CSPP1: variants seen among roughly 807,000 people sequenced by gnomAD.
CSPP1 encodes centrosome and spindle pole associated protein 1.
In CSPP1, 126 loss-of-function variants were observed where a neutral mutation model predicts 164.4. The observed-to-expected ratio is 0.77, with a 90% CI of 0.66 to 0.89. The LOEUF (loss-of-function observed/expected upper bound fraction) is 0.89. Ranked by LOEUF, CSPP1 falls within the 40% of genes least tolerant of loss-of-function variation. The pLI is 0.00. For synonymous variants in CSPP1, 472 were observed against 476.7 expected (o/e 0.99, Z 0.13); for missense variants, 1,395 against 1,449.8 (o/e 0.96, Z 0.61).
At chr8:67,071,606 A>T (rs139908079) in intron 1 of CSPP1, among the ~76,000 whole-genome samples, 91 of 152,264 alleles carry the variant, frequency 6.0e-4, no homozygotes, top group African/African-American at 2.0e-3. Flanking sequence ...CTCCAACTTA[A>T]CATATGTAAA....
intron 28 of CSPP1, among the ~76,000 whole-genome samples, chr8:67,181,532 A>G (rs940704257): frequency 6.6e-6 from 1 of 151,932 alleles, no homozygotes; most frequent in Non-Finnish European, 1.5e-5. Flanking sequence ...ATGACACTAG[A>G]GCAAAGATAC....
chr8:67,064,461 CTG>C lies in CSPP1; in HGVS notation c.-82_-81del, dbSNP rs2129538433. 1 of 1,613,986 alleles carries C rather than the reference CTG, an allele frequency of 6.2e-7. No homozygotes were observed. Among genetic ancestry groups the C allele is most frequent in the Non-Finnish European group, 8.5e-7 (1 of 1,179,906 alleles). The stretch of plus-strand genomic sequence containing the variant: ...CGGTCCGCGACGATCCTCTAGAGCA[CTG>C]TGTGTCTCCCCGGACGCGAGCCCGC... On this transcript the variant is annotated 5_prime_UTR_variant, in exon 1 of 31. It introduces an in-frame stop codon into an upstream open reading frame of the 5' UTR. Coordinates refer to ENST00000678616, the MANE Select transcript of CSPP1 (RefSeq NM_001382391.1).
At chr8:67,154,234 C>T (rs1207057086) in intron 19 of CSPP1, 98 bp downstream of exon 19, 7 of 638,384 alleles carry the variant, frequency 1.1e-5, no homozygotes, top group Non-Finnish European at 1.9e-5. Flanking sequence ...TCTAAAATGC[C>T]ATACTGTTAT....
intron 27 of CSPP1, among the ~76,000 whole-genome samples, chr8:67,178,665 G>T (rs1832265256): frequency 6.6e-6 from 1 of 152,182 alleles, no homozygotes; most frequent in Non-Finnish European, 1.5e-5. Context: ...TCAGGGAGGT[G>T]TCTATGGGAA....
Position 67,159,042 on chromosome 8 carries a change from G to T in CSPP1, c.2443G>T (p.Glu815Ter). ...HIRLAEERQKEAERKKKEEEE... is the reference protein window; with the variant it reads ...HIRLAEERQK ...TCGGTTAGCTGAAGAAAGACAAAAA[G>T]AAGCAGAAAGAAAGAAGAAAGAAGA... is the stretch of plus-strand genomic sequence containing the variant. The change falls in exon 21 of 31, where the codon GAA (glutamate) becomes TAA (stop). Residue 815 changes from glutamate (E) to a stop codon, truncating the protein, a stop_gained. Coordinates refer to ENST00000678616, the MANE Select transcript of CSPP1 (RefSeq NM_001382391.1). LOFTEE classifies it high-confidence loss of function. 6.2e-7 allele frequency: 1 copy of T among 1,612,076 alleles called. No individual in the cohort carries two copies. The highest frequency in any genetic ancestry group is 1.7e-5 in the Admixed American group (1 of 59,844).
chr8:67,143,863 TA>T (rs1823976225), intron 17 of CSPP1, among the ~76,000 whole-genome samples: 1 of 152,206 alleles, frequency 6.6e-6, no homozygotes, highest in Admixed American at 6.5e-5. Flanking sequence ...CTTTGATTTT[TA>T]ATGTAGGCAA....
At chr8:67,087,178 A>T (rs1414625229) in intron 4 of CSPP1, among the ~76,000 whole-genome samples, 1 of 148,350 alleles carries the variant, frequency 6.7e-6, no homozygotes, top group African/African-American at 2.6e-5. Flanking sequence ...AATTACACTA[A>T]TCACAGTAAG....
chr8:67,192,201 A>C (rs568946625), intron 29 of CSPP1, among the ~76,000 whole-genome samples: 1 of 151,436 alleles, frequency 6.6e-6, no homozygotes, highest in Non-Finnish European at 1.5e-5. Flanking sequence ...CAGCCTCCCA[A>C]GTAGCTGGGA....
At chr8:67,131,268 C>A (rs1304593525) in intron 15 of CSPP1, among the ~76,000 whole-genome samples, 1 of 151,902 alleles carries the variant, frequency 6.6e-6, no homozygotes, top group African/African-American at 2.4e-5. Flanking sequence ...GCACCTATAC[C>A]CCCAGCTATT....
At chr8:67,183,324 C>T (rs1833509929) in intron 28 of CSPP1, among the ~76,000 whole-genome samples, 1 of 152,182 alleles carries the variant, frequency 6.6e-6, no homozygotes, top group Non-Finnish European at 1.5e-5. Flanking sequence ...AAGACAACTT[C>T]ATTAACAACA....
intron 21 of CSPP1, among the ~76,000 whole-genome samples, chr8:67,159,486 T>TTA (rs139631633): frequency 0.047 from 6,725 of 141,950 alleles, 220 homozygotes; most frequent in African/African-American, 0.064. Context: ...TGAGAGTGGT[T>TTA]TATATATATA....
intron 1 of CSPP1, among the ~76,000 whole-genome samples, chr8:67,070,310 A>C (rs1806460781): frequency 6.6e-6 from 1 of 151,868 alleles, no homozygotes; most frequent in African/African-American, 2.4e-5. Flanking sequence ...ATAATACAAA[A>C]AAATTAGCTG....
chr8:67,141,126 G>T (rs2129555982), intron 17 of CSPP1, among the ~76,000 whole-genome samples: 1 of 152,260 alleles, frequency 6.6e-6, no homozygotes, highest in South Asian at 2.1e-4. Context: ...GGATAGAGCA[G>T]TTTTCTAAAA....
intron 28 of CSPP1, among the ~76,000 whole-genome samples, chr8:67,187,112 A>T (rs1834887652): frequency 6.6e-6 from 1 of 152,160 alleles, no homozygotes; most frequent in Admixed American, 6.5e-5. Context: ...CATGCACAGG[A>T]TGACTCAGTA....
chr8:67,140,782 C>T (rs1563661834), intron 17 of CSPP1, among the ~76,000 whole-genome samples: 1 of 152,196 alleles, frequency 6.6e-6, no homozygotes, highest in African/African-American at 2.4e-5. Flanking sequence ...GGTTCTCCTC[C>T]AAGAAGTGAC....
In CSPP1 at chr8:67,184,943, CAA is replaced by C. The variant is rs796384901; in HGVS notation, c.3220+5039_3220+5040del. On this transcript the variant is annotated intron_variant, in intron 28 of 30. Transcript: ENST00000678616. ...TGAAATCATGTCTCTACTAAAAATA[CAA>C]AAAAAAAAAAAAAAAAAAAAAGGTG... is the stretch of plus-strand genomic sequence containing the variant. Among the ~76,000 whole-genome samples the C allele has an allele frequency of 7.3e-3, 407 of 56,044 alleles. 5 individuals are homozygous for C. The highest frequency in any genetic ancestry group is 0.019 in the African/African-American group (391 of 20,306). The allele number at this position is 56,044 out of a possible 152,430, so 36.8% of individuals were successfully genotyped here.
chr8:67,139,273 C>G (rs1388357987), intron 17 of CSPP1, among the ~76,000 whole-genome samples: 1 of 152,098 alleles, frequency 6.6e-6, no homozygotes, highest in African/African-American at 2.4e-5. Flanking sequence ...CAGAGAAATG[C>G]AAATCAAAAC....
chr8:67,147,014 A>G (rs192793111), intron 17 of CSPP1, among the ~76,000 whole-genome samples: 1 of 152,306 alleles, frequency 6.6e-6, no homozygotes, highest in Non-Finnish European at 1.5e-5. Flanking sequence ...AGCAATATGG[A>G]TTTGGTTTGC....
rs772157376 is a variant in CSPP1 at position 67,118,825 on chromosome 8, A to C, written c.1697+4A>C. ...ACCAACTAGCACAACCTGTTGTGTA[A>C]GTTATTAGTTAAAAGAATAATTTTT... On this transcript the variant is annotated splice_donor_region_variant and intron_variant, in intron 15 of 30. Transcript: ENST00000678616. The C allele has an allele frequency of 6.3e-7, 1 of 1,595,124 alleles. No individual in the cohort carries two copies. Among genetic ancestry groups the C allele is most frequent in the Non-Finnish European group, 8.6e-7 (1 of 1,163,212 alleles).
Sources: allele counts gnomAD v4.1 joint callset (sites outside exome capture counted in the v4.1 genomes callset), GRCh38; gene constraint gnomAD v4.1.1; transcripts MANE v1.5; gene names NCBI Gene and HGNC (gene_info 2026-07-23, HGNC 2026-07-21).